Variants in DNAH14 observed in about 807,000 individuals in gnomAD.
DNAH14 encodes the protein axonemal beta dynein heavy chain 14.
A neutral mutation model predicts 520.9 loss-of-function variants in DNAH14; 478 were observed. That is an observed-to-expected ratio of 0.92 (90% CI 0.85 to 0.99). The LOEUF (loss-of-function observed/expected upper bound fraction) is 0.99. Ranked by LOEUF, DNAH14 falls within the 50% of genes least tolerant of loss-of-function variation. The pLI, the probability that DNAH14 is intolerant of heterozygous loss-of-function variation, is 0.00. For synonymous variants in DNAH14, 1,581 were observed against 1,757.2 expected (o/e 0.90, Z 2.51); for missense variants, 4,831 against 5,234.5 (o/e 0.92, Z 2.38).
intron 79 of DNAH14, 105 bp downstream of exon 79, chr1:225,377,541 C>T (rs1466586872): frequency 8.6e-7 from 1 of 1,166,550 alleles, no homozygotes; most frequent in Non-Finnish European, 1.2e-6. Flanking sequence ...GGACAGATTG[C>T]TTGAGCTCAG....
At chr1:224,997,364 A>AT (rs2063462416) in intron 8 of DNAH14, among the ~76,000 whole-genome samples, 1 of 152,104 alleles carries the variant, frequency 6.6e-6, no homozygotes, top group African/African-American at 2.4e-5. Context: ...GAACTGAGCC[A>AT]TCTTGGGGAA....
chr1:224,998,835 G>A (rs2063561628), intron 8 of DNAH14, among the ~76,000 whole-genome samples: 1 of 152,196 alleles, frequency 6.6e-6, no homozygotes. Flanking sequence ...TAGTTGTTCT[G>A]TCAGTTGTTG....
At chr1:225,094,414 G>C (rs890573175) in intron 21 of DNAH14, among the ~76,000 whole-genome samples, 1 of 151,874 alleles carries the variant, frequency 6.6e-6, no homozygotes, top group African/African-American at 2.4e-5. Context: ...TGGAATAACT[G>C]GCTAGCCATA....
At chr1:225,250,849 A>G (rs1254673337) in intron 43 of DNAH14, 2 of 422,150 alleles carry the variant, frequency 4.7e-6, no homozygotes. Flanking sequence ...CTTTGGGGTG[A>G]TTAGGGTAAG....
intron 61 of DNAH14, among the ~76,000 whole-genome samples, 153 bp from the exon 62 acceptor site, chr1:225,322,511 G>A (rs569316817): frequency 1.3e-5 from 2 of 152,188 alleles, no homozygotes; most frequent in South Asian, 4.2e-4. Context: ...ATTTTTAAAA[G>A]ATACCTAAGT....
chr1:224,991,821 C>T (rs2125764285), intron 8 of DNAH14, among the ~76,000 whole-genome samples: 2 of 152,162 alleles, frequency 1.3e-5, no homozygotes, highest in South Asian at 4.1e-4. Flanking sequence ...GGGTTGATTC[C>T]ATGTCTTTGC....
At chr1:225,332,365 G>A (rs1433389384) in intron 65 of DNAH14, among the ~76,000 whole-genome samples, 1 of 152,136 alleles carries the variant, frequency 6.6e-6, no homozygotes, top group African/African-American at 2.4e-5. Flanking sequence ...GAGAGGCAGT[G>A]GAACATCAGC....
intron 61 of DNAH14, 25 bp from the exon 62 acceptor site, chr1:225,322,639 A>G: frequency 7.0e-7 from 1 of 1,431,836 alleles, no homozygotes; most frequent in Non-Finnish European, 9.3e-7. Context: ...TGTGAAGTTG[A>G]TGAGATTTTC....
At chr1:225,395,536 G>T (rs2150899266) in intron 84 of DNAH14, among the ~76,000 whole-genome samples, 1 of 150,128 alleles carries the variant, frequency 6.7e-6, no homozygotes, top group Non-Finnish European at 1.5e-5. Context: ...AGCTTGCAGT[G>T]AGCAGAGATC....
chr1:225,395,129 T>A (rs2095988628), intron 84 of DNAH14, among the ~76,000 whole-genome samples: 3 of 152,208 alleles, frequency 2.0e-5, no homozygotes, highest in Admixed American at 2.0e-4. Context: ...AGGAATTTTT[T>A]AATGAAGAAT....
intron 41 of DNAH14, among the ~76,000 whole-genome samples, chr1:225,217,292 C>A (rs768875216): frequency 6.6e-6 from 1 of 151,860 alleles, no homozygotes; most frequent in South Asian, 2.1e-4. Flanking sequence ...CACTGCCCTG[C>A]GAGGTGTCAG....
chr1:225,102,717 G>T lies in DNAH14; in HGVS notation c.3867+1833G>T, dbSNP rs551672565. On this transcript the variant is annotated intron_variant, in intron 23 of 85. Transcript: ENST00000682510. ...TGAGAAGTGTCTGTTCATATCCTTC[G>T]CCCACTTTTTGATGGGGTTGTTTGT... Among the ~76,000 whole-genome samples the T allele has an allele frequency of 2.0e-5, 3 of 152,204 alleles. No homozygotes were observed. The East Asian group carries it at 5.8e-4, about 29-fold the overall frequency.
Position 225,140,786 on chromosome 1 carries a change from A to G in DNAH14, c.4273A>G (p.Asn1425Asp), listed in dbSNP as rs2079382814. Reference protein sequence around the residue: ...VLTVSQIMFYNDCVKSFVSSY... With the variant: ...VLTVSQIMFYDDCVKSFVSSY... Reference sequence around the variant, plus strand: ...TTTTCAGAGCCAGATCATGTTTTATAATGATTGTGTTAAAAGTTTTGTGAG... The same window carrying G: ...TTTTCAGAGCCAGATCATGTTTTATGATGATTGTGTTAAAAGTTTTGTGAG... Residue 1425 changes from asparagine (N) to aspartate (D), a missense_variant, in exon 28 of 86, where the codon AAT (asparagine) becomes GAT (aspartate). Coordinates refer to ENST00000682510, the MANE Select transcript of DNAH14 (RefSeq NM_001367479.1). The G allele has an allele frequency of 5.8e-6, 9 of 1,541,034 alleles. No homozygotes were observed. The South Asian group carries it at 1.1e-4, about 18-fold the overall frequency.
At chr1:224,990,205 T>A (rs1179717270) in intron 8 of DNAH14, among the ~76,000 whole-genome samples, 3 of 152,130 alleles carry the variant, frequency 2.0e-5, no homozygotes, top group African/African-American at 7.2e-5. Context: ...CAGATTATAG[T>A]CGTATATATT....
Position 225,212,519 on chromosome 1 carries a change from C to G in DNAH14, c.6439+5299C>G, listed in dbSNP as rs574275681. Among the ~76,000 whole-genome samples, 759 of 152,250 alleles carry G rather than the reference C, an allele frequency of 5.0e-3. 6 individuals are homozygous for G. The highest frequency in any genetic ancestry group is 0.017 in the African/African-American group (716 of 41,526). On this transcript the variant is annotated intron_variant, in intron 41 of 85. Transcript: ENST00000682510. Reference sequence around the variant, plus strand: ...ATGATTGAACTAGTTTACAGTCCCACCAACAGTGTAAAAGTGTTCCTATTT... The same window carrying G: ...ATGATTGAACTAGTTTACAGTCCCAGCAACAGTGTAAAAGTGTTCCTATTT...
chr1:225,137,895 A>T (rs1445018775), intron 27 of DNAH14, among the ~76,000 whole-genome samples: 1 of 152,198 alleles, frequency 6.6e-6, no homozygotes, highest in Non-Finnish European at 1.5e-5. Context: ...CCTCAGAGAT[A>T]GCGCTGCCCC....
chr1:225,247,069 C>A (rs2092326128), intron 43 of DNAH14, among the ~76,000 whole-genome samples: 2 of 152,314 alleles, frequency 1.3e-5, no homozygotes, highest in African/African-American at 4.8e-5. Flanking sequence ...AGTTCATGTG[C>A]TTTGCAGGGA....
chr1:225,351,698 G>A lies in DNAH14; in HGVS notation c.11348G>A (p.Arg3783Lys). 1 of 1,550,298 alleles carries A rather than the reference G, an allele frequency of 6.5e-7. No homozygotes were observed. Among genetic ancestry groups the A allele is most frequent in the Non-Finnish European group, 8.7e-7 (1 of 1,145,936 alleles). Residue 3783 changes from arginine (R) to lysine (K), a missense_variant, in exon 72 of 86, where the codon AGG becomes AAG. Physicochemically the swap from Arg to Lys is conservative, Grantham distance 26 (BLOSUM62 2). Transcript: ENST00000682510. ...CATCTTCAGTGGCTGTCAGATTCCA[G>A]GTGGAGGCAGTGCCAATATGTCAGC... The part of the protein sequence containing the change: ...SQHLQWLSDS[R>K]WRQCQYVSTH...
At chr1:225,320,470 A>G (rs1469327721) in intron 61 of DNAH14, among the ~76,000 whole-genome samples, 1 of 152,178 alleles carries the variant, frequency 6.6e-6, no homozygotes, top group Non-Finnish European at 1.5e-5. Context: ...GTTTGTTTTT[A>G]AAGATCCTCC....
Sources: allele counts gnomAD v4.1 joint callset (sites outside exome capture counted in the v4.1 genomes callset), GRCh38; gene constraint gnomAD v4.1.1; transcripts MANE v1.5; gene names NCBI Gene and HGNC (gene_info 2026-07-23, HGNC 2026-07-21).